Variants in CCDC170 observed in about 807,000 individuals in gnomAD.
The protein encoded by CCDC170 is coiled-coil domain containing 170, also known as coiled-coil domain-containing protein 170.
CCDC170 carries 69 observed loss-of-function variants against 72.6 expected under a neutral mutation model. The ratio of observed to expected loss-of-function variants is 0.95; its 90% confidence interval spans 0.78 to 1.16. The LOEUF is 1.16. CCDC170 is among the 50% of genes most tolerant of loss of function. The pLI, the probability that CCDC170 is intolerant of heterozygous loss-of-function variation, is 0.00. For missense variants in CCDC170, 852 were observed against 832.5 expected (o/e 1.02, Z -0.29); for synonymous variants, 300 against 303.9 (o/e 0.99, Z 0.13).
At chr6:151,604,391 C>T (rs1482228777) in intron 9 of CCDC170, among the ~76,000 whole-genome samples, 1 of 152,128 alleles carries the variant, frequency 6.6e-6, no homozygotes, top group African/African-American at 2.4e-5. Context: ...GAGGCATGCT[C>T]CTGGGGGTCA....
chr6:151,584,880 T>A (rs1448984593), intron 6 of CCDC170, among the ~76,000 whole-genome samples: 1 of 152,208 alleles, frequency 6.6e-6, no homozygotes, highest in East Asian at 1.9e-4. Context: ...TTTTAAAAAT[T>A]TAGACAGTAA....
intron 9 of CCDC170, among the ~76,000 whole-genome samples, chr6:151,613,851 C>A (rs889552146): frequency 6.6e-6 from 1 of 152,140 alleles, no homozygotes; most frequent in Non-Finnish European, 1.5e-5. Context: ...CTTGCCCATA[C>A]GCCTAGGAAT....
chr6:151,588,127 AGGT>A (rs1382974692), intron 7 of CCDC170, among the ~76,000 whole-genome samples: 6 of 152,326 alleles, frequency 3.9e-5, no homozygotes, highest in African/African-American at 1.2e-4. Flanking sequence ...TTCACTGCGT[AGGT>A]AATGGGAAGC....
chr6:151,618,096 G>A lies in CCDC170; in HGVS notation c.2097G>A (p.Val699=). Residue 699 remains valine (V), a synonymous_variant, in exon 11 of 11, where the codon GTG becomes GTA. Coordinates refer to ENST00000239374, the MANE Select transcript of CCDC170 (RefSeq NM_025059.4). ...HFVTCACLKD[V]TTGQERHPQG... is the part of the protein sequence containing the mutation. The stretch of plus-strand genomic sequence containing the variant: ...TTACCTGTGCCTGCCTCAAAGATGT[G>A]ACTACTGGGCAAGAGAGGCACCCAC... The A allele has an allele frequency of 6.2e-7, 1 of 1,614,102 alleles. No homozygotes were observed. Among genetic ancestry groups the A allele is most frequent in the Non-Finnish European group, 8.5e-7 (1 of 1,180,026 alleles).
At chr6:151,535,844 C>T (rs948845418) in intron 1 of CCDC170, among the ~76,000 whole-genome samples, 4 of 152,072 alleles carry the variant, frequency 2.6e-5, no homozygotes, top group Non-Finnish European at 5.9e-5. Flanking sequence ...TTCCTGGGCT[C>T]AAGTGATCCT....
In CCDC170 at chr6:151,548,223, CA is replaced by C. The variant is rs1234517583; in HGVS notation, c.589-80del. On this transcript the variant is annotated intron_variant, in intron 4 of 10. Coordinates refer to ENST00000239374, the MANE Select transcript of CCDC170 (RefSeq NM_025059.4). ...CTCTTACATTTTTCATATGATAATG[CA>C]GTCTATAGATGTGACTTGCTTAGAG... 2.5e-6 allele frequency: 3 copies of C among 1,180,164 alleles called. No homozygotes were observed. The Admixed American group carries it at 8.5e-5, about 34-fold the overall frequency. 73.1% of individuals were successfully genotyped at this position (1,180,164 alleles called of 1,614,324 possible). A position where few individuals can be genotyped will look rare whatever the true frequency, so the allele number is the denominator to read the frequency against.
intron 5 of CCDC170, among the ~76,000 whole-genome samples, chr6:151,550,089 T>C (rs1782855435): frequency 6.6e-6 from 1 of 152,240 alleles, no homozygotes. Flanking sequence ...TGCAACCTAT[T>C]TGAGCTATTT....
At chr6:151,541,825 A>G (rs901071185) in intron 3 of CCDC170, among the ~76,000 whole-genome samples, 11 of 145,868 alleles carry the variant, frequency 7.5e-5, no homozygotes, top group African/African-American at 2.8e-4. Flanking sequence ...ATATATATGT[A>G]TATATATAAA....
intron 5 of CCDC170, among the ~76,000 whole-genome samples, chr6:151,551,422 CT>C (rs1407401060): frequency 1.3e-5 from 2 of 152,116 alleles, no homozygotes; most frequent in African/African-American, 4.8e-5. Flanking sequence ...TATATGCTTC[CT>C]CTTGAGCACG....
At chr6:151,495,056 C>A (rs1319072044) in intron 1 of CCDC170, among the ~76,000 whole-genome samples, 1 of 152,200 alleles carries the variant, frequency 6.6e-6, no homozygotes, top group African/African-American at 2.4e-5. Context: ...ACTTTTCCTA[C>A]CACGCTGTGT....
chr6:151,593,419 C>T lies in CCDC170; in HGVS notation c.1467+139C>T, dbSNP rs566088207. The T allele has an allele frequency of 5.3e-5, 49 of 920,784 alleles. No individual in the cohort carries two copies. In the East Asian group the frequency reaches 1.3e-3, roughly 24 times the overall value. 57.0% of individuals were successfully genotyped at this position (920,784 alleles called of 1,614,324 possible). On this transcript the variant is annotated intron_variant, in intron 8 of 10. Transcript: ENST00000239374. ...AAAAATATGTATTTAGAATTGGAGG[C>T]TCAATTTCAAGTCTGAAGAGTTGGT...
chr6:151,549,395 GAGA>G (rs1164603388), intron 5 of CCDC170, among the ~76,000 whole-genome samples: 1 of 152,098 alleles, frequency 6.6e-6, no homozygotes, highest in Non-Finnish European at 1.5e-5. Context: ...AGAATTTGTA[GAGA>G]AGATGTCTTA....
Position 151,596,377 on chromosome 6 carries a change from A to C in CCDC170, c.1510A>C (p.Met504Leu), listed in dbSNP as rs199984179. 2 of 1,614,120 alleles carry C rather than the reference A, an allele frequency of 1.2e-6. No individual in the cohort carries two copies. The highest frequency in any genetic ancestry group is 4.5e-5 in the East Asian group (2 of 44,858). The change falls in exon 9 of 11, where the codon ATG (methionine) becomes CTG (leucine). Residue 504 changes from methionine to leucine, a missense_variant. Coordinates refer to ENST00000239374, the MANE Select transcript of CCDC170 (RefSeq NM_025059.4). ...KERLESKELH[M>L]SLLRQKIAQL... ...GAGACTGGAGAGCAAAGAATTACAC[A>C]TGAGCCTCCTCCGGCAGAAAATAGC...
intron 5 of CCDC170, among the ~76,000 whole-genome samples, chr6:151,567,160 C>T (rs1776149776): frequency 6.6e-6 from 1 of 152,134 alleles, no homozygotes; most frequent in South Asian, 2.1e-4. Flanking sequence ...CTCAGGTGAT[C>T]AGCCTGCCTC....
chr6:151,536,886 T>C (rs1349137591), intron 2 of CCDC170, among the ~76,000 whole-genome samples: 1 of 152,108 alleles, frequency 6.6e-6, no homozygotes, highest in Non-Finnish European at 1.5e-5. Flanking sequence ...TTGAAACTTG[T>C]TCTCTTGTGC....
chr6:151,549,061 G>A (rs923886302), intron 5 of CCDC170, among the ~76,000 whole-genome samples: 34 of 152,114 alleles, frequency 2.2e-4, no homozygotes, highest in Non-Finnish European at 4.6e-4. Flanking sequence ...CACCACACCC[G>A]GCTAATTTTG....
rs139279285 is a variant in CCDC170, at chr6:151,518,563, G to A, written c.58-17755G>A. Among the ~76,000 whole-genome samples the A allele has an allele frequency of 3.2e-3, 424 of 132,488 alleles. 1 individual carries two copies. The highest frequency in any genetic ancestry group is 9.8e-3 in the African/African-American group (363 of 36,894). The allele number at this position is 132,488 out of a possible 152,430, so 86.9% of individuals were successfully genotyped here. A position where few individuals can be genotyped will look rare whatever the true frequency, so the allele number is the denominator to read the frequency against. On this transcript the variant is annotated intron_variant, in intron 1 of 10. Transcript: ENST00000239374. Reference sequence around the variant, plus strand: ...GAATAAAAGGGTGCCTACTCCATAGGCAGAGCAGCCTCGAGGGCTGCTGGC... The same window carrying A: ...GAATAAAAGGGTGCCTACTCCATAGACAGAGCAGCCTCGAGGGCTGCTGGC...
chr6:151,542,005 G>C (rs185526259), intron 3 of CCDC170, among the ~76,000 whole-genome samples: 1 of 148,956 alleles, frequency 6.7e-6, no homozygotes, highest in East Asian at 2.0e-4. Flanking sequence ...TCAGCCTCTT[G>C]AGTAGCTGGG....
At position 151,593,114 on chromosome 6, in the gene CCDC170, A is replaced by C. The variant is rs1016728738; in HGVS notation, c.1301A>C (p.Lys434Thr). ...TTCTGTTCTTGGGTTTAGTATCTTA[A>C]ATTTCTGGATCAGCTTTCTCAGAAA... ...NLNFEKQKYL[K>T]FLDQLSQKMK... Residue 434 changes from lysine (K) to threonine (T), a missense_variant, in exon 8 of 11, where the codon AAA becomes ACA. Lys to Thr is a moderately conservative substitution (Grantham distance 78). Coordinates refer to ENST00000239374, the MANE Select transcript of CCDC170 (RefSeq NM_025059.4). 1.2e-6 allele frequency: 2 copies of C among 1,614,122 alleles called. No individual in the cohort carries two copies. Among genetic ancestry groups the C allele is most frequent in the Non-Finnish European group, 1.7e-6 (2 of 1,179,998 alleles).
Sources: gnomAD v4.1 joint callset for allele counts (sites outside exome capture counted in the v4.1 genomes callset) on GRCh38, gnomAD v4.1.1 for gene constraint, MANE v1.5 for transcripts, NCBI Gene and HGNC (gene_info 2026-07-23, HGNC 2026-07-21) for gene names.